Variants in ASXL2 observed in about 807,000 individuals in gnomAD.
ASXL2 encodes putative Polycomb group protein ASXL2.
In ASXL2, 23 loss-of-function variants were observed where a neutral mutation model predicts 122.0. That is an observed-to-expected ratio of 0.19 (90% confidence interval 0.14 to 0.27). The LOEUF (loss-of-function observed/expected upper bound fraction) is 0.27, where lower values mean the gene tolerates loss of function less well. ASXL2 is among the 10% of genes least tolerant of loss of function. The pLI is 1.00. For missense variants in ASXL2, 1,518 were observed against 1,713.8 expected (o/e 0.89, Z 2.02); for synonymous variants, 650 against 637.0 (o/e 1.02, Z -0.31).
chr2:25,781,267 C>T (rs62127678), intron 5 of ASXL2, among the ~76,000 whole-genome samples: 23,301 of 151,984 alleles, frequency 0.15, 2,198 homozygotes, highest in Non-Finnish European at 0.22. Context: ...GGCACGGTGG[C>T]TCACGCCTGT....
intron 1 of ASXL2, among the ~76,000 whole-genome samples, chr2:25,872,390 A>G (rs2089968898): frequency 6.6e-6 from 1 of 152,180 alleles, no homozygotes. Flanking sequence ...TCAAGGAGAA[A>G]AAAAAAATTA....
At chr2:25,837,090 G>A (rs1263636114) in intron 2 of ASXL2, among the ~76,000 whole-genome samples, 4 of 121,758 alleles carry the variant, frequency 3.3e-5, no homozygotes, top group Non-Finnish European at 6.7e-5. Context: ...GGGGTGGGGG[G>A]GGGGGGCGTG....
At chr2:25,782,405 G>A (rs1458871313) in intron 5 of ASXL2, among the ~76,000 whole-genome samples, 1 of 151,986 alleles carries the variant, frequency 6.6e-6, no homozygotes, top group African/African-American at 2.4e-5. Flanking sequence ...AATTAGCCGG[G>A]CGTGGTGACA....
At chr2:25,781,864 A>C (rs183198874) in intron 5 of ASXL2, among the ~76,000 whole-genome samples, 2 of 149,866 alleles carry the variant, frequency 1.3e-5, no homozygotes, top group Non-Finnish European at 3.0e-5. Flanking sequence ...GGGTTTTGCC[A>C]TATCGGCCAG....
chr2:25,859,691 T>C (rs1468908162), intron 1 of ASXL2, among the ~76,000 whole-genome samples: 1 of 152,196 alleles, frequency 6.6e-6, no homozygotes, highest in Non-Finnish European at 1.5e-5. Flanking sequence ...TCACATGGAA[T>C]ATTCACCAAG....
intron 5 of ASXL2, among the ~76,000 whole-genome samples, chr2:25,783,871 T>A (rs1266599960): frequency 1.3e-5 from 2 of 151,614 alleles, no homozygotes; most frequent in East Asian, 3.9e-4. Flanking sequence ...CTGGCCAACA[T>A]GGTGAAACCC....
Position 25,734,209 on chromosome 2 carries a change from C to T in ASXL2, c.*7820G>A, listed in dbSNP as rs2087696654. ...CTGAGAACTTGCTCTTTAATCAGTACTTTATTATTAGAGAATAAATTAAGA... is the reference window on the plus strand; with the variant it reads ...CTGAGAACTTGCTCTTTAATCAGTATTTTATTATTAGAGAATAAATTAAGA... On this transcript the variant is annotated 3_prime_UTR_variant, in exon 13 of 13. Transcript: ENST00000435504. 1 of 151,982 alleles carries T rather than the reference C, an allele frequency of 6.6e-6. No individual in the cohort carries two copies. Among genetic ancestry groups the T allele is most frequent in the Non-Finnish European group, 1.5e-5 (1 of 68,002 alleles). 9.4% of individuals were successfully genotyped at this position (151,982 alleles called of 1,614,324 possible).
At chr2:25,849,452 C>CAAAAA (rs34833277) in intron 1 of ASXL2, among the ~76,000 whole-genome samples, 37 of 70,574 alleles carry the variant, frequency 5.2e-4, no homozygotes, top group African/African-American at 7.2e-4. Flanking sequence ...GACTCTGACT[C>CAAAAA]AAAAAAAAAA....
chr2:25,838,347 T>C (rs918576362), intron 2 of ASXL2, among the ~76,000 whole-genome samples: 26 of 152,224 alleles, frequency 1.7e-4, no homozygotes, highest in Admixed American at 1.6e-3. Flanking sequence ...TTTTTACCTT[T>C]GAATAGTTAA....
chr2:25,772,465 GC>G (rs1161318136), intron 5 of ASXL2, among the ~76,000 whole-genome samples: 4 of 152,292 alleles, frequency 2.6e-5, no homozygotes, highest in South Asian at 4.1e-4. Flanking sequence ...GTGTGCGGTG[GC>G]TCATGCCTCC....
At chr2:25,833,376 T>A (rs2089475860) in intron 3 of ASXL2, among the ~76,000 whole-genome samples, 1 of 152,152 alleles carries the variant, frequency 6.6e-6, no homozygotes, top group Non-Finnish European at 1.5e-5. Flanking sequence ...CTGGCCAATA[T>A]CCATTCCCTC....
At chr2:25,753,390 T>A in intron 11 of ASXL2, 144 bp downstream of exon 11, 1 of 535,602 alleles carries the variant, frequency 1.9e-6, no homozygotes, top group Non-Finnish European at 3.2e-6. Context: ...TAAAGAAGAA[T>A]CAGTGAGACA....
intron 5 of ASXL2, among the ~76,000 whole-genome samples, chr2:25,797,332 C>G (rs1046732615): frequency 6.6e-6 from 1 of 152,166 alleles, no homozygotes; most frequent in African/African-American, 2.4e-5. Flanking sequence ...GTAATCCCAG[C>G]TACTCGGGAG....
rs561956422 is a variant in ASXL2 at position 25,840,285 on chromosome 2, C to T, written c.141-4745G>A. 2.6e-5 allele frequency among the ~76,000 whole-genome samples: 4 copies of T among 152,306 alleles called. No individual in the cohort carries two copies. The South Asian group carries it at 8.3e-4, about 32-fold the overall frequency. On this transcript the variant is annotated intron_variant, in intron 2 of 12. Transcript: ENST00000435504. Reference sequence around the variant, plus strand: ...GATAAATGATTTCCAATCTTACCACCTAACTTCTTAAAGGGGCTAGTACCT... The same window carrying T: ...GATAAATGATTTCCAATCTTACCACTTAACTTCTTAAAGGGGCTAGTACCT...
intron 2 of ASXL2, chr2:25,845,278 T>A (rs372584464): frequency 2.5e-6 from 2 of 804,050 alleles, no homozygotes; most frequent in Non-Finnish European, 2.0e-6. Context: ...CCTCTAAGAA[T>A]TGGTTTTAAA....
At chr2:25,803,215 G>C (rs1379671910) in intron 4 of ASXL2, among the ~76,000 whole-genome samples, 1 of 152,220 alleles carries the variant, frequency 6.6e-6, no homozygotes, top group Non-Finnish European at 1.5e-5. Flanking sequence ...CAAGCCTGGA[G>C]AGGGCACACA....
intron 5 of ASXL2, among the ~76,000 whole-genome samples, chr2:25,777,076 C>T (rs2088558068): frequency 6.6e-6 from 1 of 152,122 alleles, no homozygotes; most frequent in Non-Finnish European, 1.5e-5. Flanking sequence ...AACTACTACT[C>T]TAACTTTTAA....
chr2:25,798,092 G>A (rs775084033), intron 5 of ASXL2, among the ~76,000 whole-genome samples: 33 of 152,184 alleles, frequency 2.2e-4, no homozygotes, highest in Admixed American at 1.7e-3. Context: ...AATACCGCAT[G>A]TTCTCACTTA....
Position 25,744,095 on chromosome 2 carries a change from G to C in ASXL2, c.2242C>G (p.Pro748Ala). 6.2e-7 allele frequency: 1 copy of C among 1,613,934 alleles called. No individual in the cohort carries two copies. The highest frequency in any genetic ancestry group is 8.5e-7 in the Non-Finnish European group (1 of 1,179,852). The change falls in exon 13 of 13, where the codon CCA (proline) becomes GCA (alanine). Residue 748 changes from proline (P) to alanine (A), a missense_variant. Around this residue, in one of 8 missense-constraint regions of ASXL2, gnomAD observed 831 missense variants for 833.1 expected, o/e 1.00. Transcript: ENST00000435504. This position sits in a 1 kb window ranked among gnomAD's most constrained non-coding sequence, Gnocchi z 4.7. ...GGTRELLPCG[P>A]ETQPQSETKT... The stretch of plus-strand genomic sequence containing the variant: ...GTCTCAGACTGGGGCTGAGTCTCTG[G>C]ACCACAGGGTAAAAGCTCTCTCGTA...
Sources: gnomAD v4.1 joint callset for allele counts (sites outside exome capture counted in the v4.1 genomes callset) on GRCh38, gnomAD v4.1.1 for gene constraint, gnomAD v4.1.1 regional missense constraint, Gnocchi (gnomAD v3.1) non-coding constraint, MANE v1.5 for transcripts, NCBI Gene and HGNC (gene_info 2026-07-23, HGNC 2026-07-21) for gene names.